Variants in CPAMD8 observed in about 807,000 individuals in gnomAD.
The protein encoded by CPAMD8 is C3 and PZP-like alpha-2-macroglobulin domain-containing protein 8.
A neutral mutation model predicts 224.7 loss-of-function variants in CPAMD8; 146 were observed. The observed-to-expected ratio is 0.65, with a 90% confidence interval of 0.57 to 0.75. The LOEUF is 0.75. CPAMD8 is among the 30% of genes least tolerant of loss of function. CPAMD8 has a pLI of 0.00. For synonymous variants in CPAMD8, 966 were observed against 1,044.6 expected, an observed-to-expected ratio of 0.92 and a Z score of 1.45; for missense variants, 2,301 against 2,537.5, an observed-to-expected ratio of 0.91 and a Z score of 2.00.
chr19:16,990,675 C>T (rs528883844), intron 12 of CPAMD8, among the ~76,000 whole-genome samples: 81 of 151,760 alleles, frequency 5.3e-4, no homozygotes, highest in South Asian at 1.7e-3. Context: ...CCATCCTGGC[C>T]AACATGGTGA....
chr19:16,948,827 G>A (rs1423280366), intron 20 of CPAMD8, among the ~76,000 whole-genome samples: 62 of 125,170 alleles, frequency 5.0e-4, no homozygotes, highest in Middle Eastern at 3.9e-3. Context: ...GGAAGGGAAG[G>A]GAAGGGAGGA....
Position 16,914,505 on chromosome 19 carries a change from G to C in CPAMD8, c.3787-7C>G, listed in dbSNP as rs747053342. ...CAGTGCCGTGGATCCCACCCTGCAA[G>C]GGGACTCACAGGCCTCACCCTAAGC... On this transcript the variant is annotated splice_region_variant and splice_polypyrimidine_tract_variant and intron_variant, in intron 28 of 41. Transcript: ENST00000443236. 2.5e-6 allele frequency: 4 copies of C among 1,613,994 alleles called. No individual in the cohort carries two copies. The highest frequency in any genetic ancestry group is 3.4e-6 in the Non-Finnish European group (4 of 1,179,866).
rs201984964 is a variant in CPAMD8 at position 16,945,636 on chromosome 19, C to T, written c.2706G>A (p.Gly902=). 18 of 1,614,064 alleles carry T rather than the reference C, an allele frequency of 1.1e-5. No homozygotes were observed. Among genetic ancestry groups the T allele is most frequent in the Non-Finnish European group, 1.4e-5 (17 of 1,180,008 alleles). ...TCTCCTCAGGGTGTTTGCTGGACCT[C>T]CCATCCCGGCAGCAATTTGTGTCTC... is the stretch of plus-strand genomic sequence containing the variant. The part of the protein sequence containing the change: ...AYGDTNCCRD[G]RSSKHPEENH... The change falls in exon 22 of 42, where the codon GGG becomes GGA. Residue 902 remains glycine, a synonymous_variant. Transcript: ENST00000443236.
At chr19:16,905,535 C>T (rs1482178671) in intron 30 of CPAMD8, among the ~76,000 whole-genome samples, 23 of 94,890 alleles carry the variant, frequency 2.4e-4, no homozygotes, top group Non-Finnish European at 3.6e-4. Flanking sequence ...AGCGAAACTC[C>T]GTTTCAAAAA....
At chr19:17,016,462 A>C (rs1042871674) in intron 3 of CPAMD8, among the ~76,000 whole-genome samples, 11 of 152,132 alleles carry the variant, frequency 7.2e-5, no homozygotes, top group Non-Finnish European at 1.5e-4. Context: ...TTCCTGACTC[A>C]TAAGAAAGCA....
chr19:17,021,673 T>C (rs2123260046), intron 2 of CPAMD8, among the ~76,000 whole-genome samples: 1 of 152,312 alleles, frequency 6.6e-6, no homozygotes, highest in South Asian at 2.1e-4. Flanking sequence ...GGTTCAGGTG[T>C]GCTGGAAACC....
At chr19:17,014,764 G>A (rs1025507953) in intron 3 of CPAMD8, among the ~76,000 whole-genome samples, 1 of 152,138 alleles carries the variant, frequency 6.6e-6, no homozygotes, top group African/African-American at 2.4e-5. Context: ...ACAACGTGTG[G>A]AAATTATGGG....
chr19:16,967,892 T>TATACACACACAC (rs71946803), intron 18 of CPAMD8, among the ~76,000 whole-genome samples: 1 of 49,514 alleles, frequency 2.0e-5, no homozygotes, highest in African/African-American at 1.3e-4. Flanking sequence ...TACACACACA[T>TATACACACACAC]GTGTGTGTAT....
chr19:16,952,989 T>C lies in CPAMD8; in HGVS notation c.2277-789A>G, dbSNP rs1022677563. On this transcript the variant is annotated intron_variant, in intron 19 of 41. Transcript: ENST00000443236. The stretch of plus-strand genomic sequence containing the variant: ...AAAACTTACCACAAAGCTACCATAT[T>C]CAAATCAATGTGTTACTGGCATAAA... Among the ~76,000 whole-genome samples the C allele has an allele frequency of 4.6e-5, 7 of 152,096 alleles. 1 individual carries two copies. The highest frequency in any genetic ancestry group is 7.4e-5 in the Non-Finnish European group (5 of 68,012).
chr19:16,923,103 G>A (rs2053235963), intron 26 of CPAMD8, among the ~76,000 whole-genome samples: 1 of 152,246 alleles, frequency 6.6e-6, no homozygotes, highest in Admixed American at 6.5e-5. Flanking sequence ...TGGTGCCGGG[G>A]ACAGGGAACG....
At chr19:16,911,357 T>G (rs1187457738) in intron 29 of CPAMD8, among the ~76,000 whole-genome samples, 1 of 151,724 alleles carries the variant, frequency 6.6e-6, no homozygotes, top group East Asian at 1.9e-4. Context: ...GACTCCTTTT[T>G]TTTTTGTTCT....
chr19:16,939,166 T>G (rs1180440113), intron 22 of CPAMD8, among the ~76,000 whole-genome samples: 4 of 130,842 alleles, frequency 3.1e-5, no homozygotes, highest in Admixed American at 1.6e-4. Context: ...TATTTATTTA[T>G]TTATTTATTT....
At position 16,898,720 on chromosome 19, in the gene CPAMD8, G is replaced by C. The variant is rs183943516; in HGVS notation, c.4849-726C>G. On this transcript the variant is annotated intron_variant, in intron 37 of 41. Coordinates refer to ENST00000443236, the MANE Select transcript of CPAMD8 (RefSeq NM_015692.5). This position sits in a 1 kb window ranked among gnomAD's most constrained non-coding sequence, Gnocchi z 4.2. Reference sequence around the variant, plus strand: ...TGTACTCTGTGGCCTTTTGTGTCTGGCTTCTTTCACTCAGCATCATGTTTC... The same window carrying C: ...TGTACTCTGTGGCCTTTTGTGTCTGCCTTCTTTCACTCAGCATCATGTTTC... Among the ~76,000 whole-genome samples, 69 of 152,082 alleles carry C rather than the reference G, an allele frequency of 4.5e-4. No homozygotes were observed. The highest frequency in any genetic ancestry group is 1.6e-3 in the African/African-American group (68 of 41,472).
chr19:16,941,621 G>T (rs1055233856), intron 22 of CPAMD8, among the ~76,000 whole-genome samples: 1 of 152,130 alleles, frequency 6.6e-6, no homozygotes, highest in African/African-American at 2.4e-5. Context: ...TCATGGGGGC[G>T]GATTTCCCCC....
At position 16,970,892 on chromosome 19, in the gene CPAMD8, T is replaced by C; in HGVS notation, c.2212A>G (p.Arg738Gly). The C allele has an allele frequency of 6.2e-7, 1 of 1,612,954 alleles. No individual in the cohort carries two copies. ...CTTGCTCAATGTATAAGCCGTTACC[T>C]GGGGGGGTGCCTGGAAGGAGCCACT... ...VAVAPSRHPP[R>G]TEKRKRTFFP... The change falls in exon 18 of 42, where the codon AGA (arginine) becomes GGA (glycine). Residue 738 changes from arginine to glycine, a missense_variant and splice_region_variant. Physicochemically the swap from Arg to Gly is moderately radical, Grantham distance 125 (BLOSUM62 -2). Transcript: ENST00000443236.
chr19:17,011,093 C>T (rs2056634212), intron 5 of CPAMD8, among the ~76,000 whole-genome samples: 2 of 151,754 alleles, frequency 1.3e-5, no homozygotes, highest in Non-Finnish European at 2.9e-5. Context: ...ACTCGGGAGG[C>T]TAAGGCAAGA....
In CPAMD8 at chr19:16,940,610, T is replaced by C. The variant is rs71336801; in HGVS notation, c.2794-2164A>G. Among the ~76,000 whole-genome samples, 1,452 of 152,314 alleles carry C rather than the reference T, an allele frequency of 9.5e-3. 10 individuals are homozygous for C. The highest frequency in any genetic ancestry group is 0.011 in the Non-Finnish European group (763 of 68,024). On this transcript the variant is annotated intron_variant, in intron 22 of 41. Transcript: ENST00000443236. The stretch of plus-strand genomic sequence containing the variant: ...TTCATTACAAAGCTCTCCTTGAAAT[T>C]GTCATGTGTCTATACTGATGAGTCC...
At chr19:16,924,404 C>T (rs1328433735) in intron 26 of CPAMD8, among the ~76,000 whole-genome samples, 1 of 152,024 alleles carries the variant, frequency 6.6e-6, no homozygotes, top group Non-Finnish European at 1.5e-5. Context: ...TGTTTAAGGA[C>T]CTGAGCCTGG....
intron 23 of CPAMD8, among the ~76,000 whole-genome samples, chr19:16,931,726 GAGGAC>G (rs1457952961): frequency 2.0e-5 from 3 of 152,198 alleles, no homozygotes; most frequent in African/African-American, 7.2e-5. Flanking sequence ...ACTGGGACCT[GAGGAC>G]AGGTCCATCT....
Sources: gnomAD v4.1 joint callset for allele counts (sites outside exome capture counted in the v4.1 genomes callset) on GRCh38, gnomAD v4.1.1 for gene constraint, Gnocchi (gnomAD v3.1) non-coding constraint, MANE v1.5 for transcripts, NCBI Gene and HGNC (gene_info 2026-07-23, HGNC 2026-07-21) for gene names.